Variants in KCNMA1 observed in about 807,000 individuals in gnomAD.
KCNMA1 encodes potassium calcium-activated channel subfamily M alpha 1, also known as Calcium-activated potassium channel subunit alpha-1.
KCNMA1 carries 29 observed loss-of-function variants against 140.0 expected under a neutral mutation model. The ratio of observed to expected loss-of-function variants is 0.21; its 90% confidence interval spans 0.15 to 0.28. KCNMA1 has a LOEUF of 0.28. Ranked by LOEUF, KCNMA1 falls within the 10% of genes least tolerant of loss-of-function variation. The pLI, the probability that KCNMA1 is intolerant of heterozygous loss-of-function variation, is 1.00. For synonymous variants in KCNMA1, 612 were observed against 611.9 expected (o/e 1.00, Z 0.00); for missense variants, 880 against 1,602.2 (o/e 0.55, Z 7.70).
Position 77,308,503 on chromosome 10 carries a change from A to G in KCNMA1, c.541-57247T>C, listed in dbSNP as rs534427333. ...GCTTACAGAAATGCATTCCCATTTC[A>G]TAATGCCTGCTGTGATTCCAGGTAA... On this transcript the variant is annotated intron_variant, in intron 2 of 27. Coordinates refer to ENST00000286628, the MANE Select transcript of KCNMA1 (RefSeq NM_001161352.2). 4.4e-4 allele frequency among the ~76,000 whole-genome samples: 67 copies of G among 152,340 alleles called. 1 individual carries two copies. The South Asian group carries it at 4.8e-3, about 11-fold the overall frequency.
intron 5 of KCNMA1, among the ~76,000 whole-genome samples, chr10:77,178,873 A>G (rs957779247): frequency 6.6e-6 from 1 of 152,194 alleles, no homozygotes; most frequent in South Asian, 2.1e-4. Flanking sequence ...TTCAAGGTGC[A>G]TTTATTTTAG....
chr10:77,398,212 G>T (rs1192475019), intron 2 of KCNMA1, among the ~76,000 whole-genome samples: 1 of 151,886 alleles, frequency 6.6e-6, no homozygotes, highest in East Asian at 1.9e-4. Flanking sequence ...CTTTTCCTAT[G>T]GGTAGCCACC....
At chr10:77,502,613 A>T (rs2044325297) in intron 1 of KCNMA1, among the ~76,000 whole-genome samples, 1 of 152,172 alleles carries the variant, frequency 6.6e-6, no homozygotes. Context: ...ACCCCCATGG[A>T]CACCAAGAGA....
intron 3 of KCNMA1, among the ~76,000 whole-genome samples, chr10:77,191,317 G>T (rs2098936355): frequency 1.3e-5 from 2 of 152,174 alleles, no homozygotes; most frequent in Admixed American, 1.3e-4. Context: ...TAGTGTGAAT[G>T]ACATGATATG....
At chr10:77,528,050 T>G (rs566872355) in intron 1 of KCNMA1, among the ~76,000 whole-genome samples, 1 of 152,100 alleles carries the variant, frequency 6.6e-6, no homozygotes, top group African/African-American at 2.4e-5. Context: ...GCTTAACCAC[T>G]CTGTGCCTGC....
intron 9 of KCNMA1, among the ~76,000 whole-genome samples, chr10:77,098,441 T>A (rs2096995142): frequency 6.6e-6 from 1 of 152,122 alleles, no homozygotes; most frequent in Non-Finnish European, 1.5e-5. Flanking sequence ...TTCAACCTGA[T>A]GACAAAACCC....
At position 77,625,394 on chromosome 10, in the gene KCNMA1, A is replaced by G. The variant is rs554232472; in HGVS notation, c.378+11871T>C. ...AGACTCTGCCAAAAAAAAAAGTACC[A>G]TCTCAACCATTTTTAAGTGTGTAGT... On this transcript the variant is annotated intron_variant, in intron 1 of 27. Transcript: ENST00000286628. Among the ~76,000 whole-genome samples, 20 of 152,174 alleles carry G rather than the reference A, an allele frequency of 1.3e-4. No individual in the cohort carries two copies. The East Asian group carries it at 3.3e-3, about 25-fold the overall frequency.
In KCNMA1 at chr10:76,884,953, A is replaced by T. The variant is rs2036200676; in HGVS notation, c.*2313T>A. ...AACGTTATAGAAGAAAACCCCCAGC[A>T]GTGGCTAGGTCATGCAGAACCATTA... On this transcript the variant is annotated 3_prime_UTR_variant, in exon 28 of 28. Transcript: ENST00000286628. 6.5e-7 allele frequency: 1 copy of T among 1,535,944 alleles called. No individual in the cohort carries two copies. Among genetic ancestry groups the T allele is most frequent in the Non-Finnish European group, 8.8e-7 (1 of 1,140,904 alleles).
At chr10:77,175,082 G>A (rs1026283459) in intron 5 of KCNMA1, among the ~76,000 whole-genome samples, 1 of 152,112 alleles carries the variant, frequency 6.6e-6, no homozygotes, top group South Asian at 2.1e-4. Context: ...AACACAGACT[G>A]CTGGCTCCAA....
intron 22 of KCNMA1, among the ~76,000 whole-genome samples, chr10:76,947,888 C>T (rs2152925724): frequency 6.6e-6 from 1 of 152,308 alleles, no homozygotes; most frequent in African/African-American, 2.4e-5. Context: ...TTTTTCCCCC[C>T]ATTTCTGAGG....
At chr10:77,437,952 C>T (rs2097298347) in intron 1 of KCNMA1, among the ~76,000 whole-genome samples, 1 of 152,204 alleles carries the variant, frequency 6.6e-6, no homozygotes, top group South Asian at 2.1e-4. Context: ...AAATCACACA[C>T]CCGGAGGCCA....
chr10:76,909,681 G>A (rs1347678794), intron 25 of KCNMA1, among the ~76,000 whole-genome samples: 4 of 152,198 alleles, frequency 2.6e-5, no homozygotes, highest in Non-Finnish European at 4.4e-5. Flanking sequence ...AGCATAAAAT[G>A]TACAACTCCC....
chr10:77,010,331 G>C (rs1311371400), intron 18 of KCNMA1, among the ~76,000 whole-genome samples: 1 of 152,056 alleles, frequency 6.6e-6, no homozygotes, highest in Non-Finnish European at 1.5e-5. Flanking sequence ...AAGCATGGCT[G>C]GGATGGACTG....
At chr10:77,409,326 C>CCA (rs906851780) in intron 1 of KCNMA1, among the ~76,000 whole-genome samples, 4 of 152,192 alleles carry the variant, frequency 2.6e-5, no homozygotes, top group African/African-American at 4.8e-5. Context: ...CACCCAACTA[C>CCA]CACACACACA....
chr10:77,598,880 T>C (rs2081761402), intron 1 of KCNMA1, among the ~76,000 whole-genome samples: 2 of 152,198 alleles, frequency 1.3e-5, no homozygotes, highest in Admixed American at 1.3e-4. Flanking sequence ...CCAGCTCAGC[T>C]GGTACTAGAG....
intron 1 of KCNMA1, among the ~76,000 whole-genome samples, chr10:77,414,856 TGGCA>T (rs1351605840): frequency 6.6e-6 from 1 of 152,186 alleles, no homozygotes; most frequent in Admixed American, 6.5e-5. Flanking sequence ...ATCTTGTAAG[TGGCA>T]GAGCTGAAAT....
intron 1 of KCNMA1, among the ~76,000 whole-genome samples, chr10:77,550,775 T>C (rs2062638594): frequency 6.6e-6 from 1 of 152,202 alleles, no homozygotes; most frequent in African/African-American, 2.4e-5. Flanking sequence ...AGGCAGATGC[T>C]AGAAGCAGTG....
At chr10:77,171,387 G>T (rs968259876) in intron 5 of KCNMA1, among the ~76,000 whole-genome samples, 1 of 111,370 alleles carries the variant, frequency 9.0e-6, no homozygotes, top group Non-Finnish European at 1.8e-5. Context: ...GTACGTGTGC[G>T]TGTGTGTGTG....
chr10:77,083,485 TC>T (rs981724173), intron 12 of KCNMA1, among the ~76,000 whole-genome samples: 2 of 95,644 alleles, frequency 2.1e-5, no homozygotes, highest in African/African-American at 8.4e-5. Flanking sequence ...CAGTATGACC[TC>T]CCCTAGATGT....
Sources: gnomAD v4.1 joint callset for allele counts (sites outside exome capture counted in the v4.1 genomes callset) on GRCh38, gnomAD v4.1.1 for gene constraint, MANE v1.5 for transcripts, NCBI Gene and HGNC (gene_info 2026-07-23, HGNC 2026-07-21) for gene names.